The following EHBP1 variants were observed in gnomAD, a reference collection of about 807,000 sequenced individuals.
EHBP1 encodes the protein EH domain binding protein 1, also known as EH domain-binding protein 1.
Under a neutral mutation model 144.0 loss-of-function variants are expected in EHBP1, and 55 were observed. The ratio of observed to expected loss-of-function variants is 0.38; its 90% confidence interval spans 0.31 to 0.48. The LOEUF is 0.48. Among genes scored for constraint, EHBP1 ranks in the 20% least tolerant of loss-of-function variants. The pLI, the probability that EHBP1 is intolerant of heterozygous loss-of-function variation, is 0.98. For synonymous variants in EHBP1, 469 were observed against 472.7 expected, an observed-to-expected ratio of 0.99 and a Z score of 0.10; for missense variants, 1,200 against 1,364.2, an observed-to-expected ratio of 0.88 and a Z score of 1.90.
chr2:62,900,577 C>T (rs1368101841), intron 10 of EHBP1, among the ~76,000 whole-genome samples: 3 of 151,588 alleles, frequency 2.0e-5, no homozygotes, highest in Admixed American at 6.6e-5. Flanking sequence ...GCTGTGATCA[C>T]ACTACTGCAT....
rs577339888 is a variant in EHBP1, at chr2:62,722,137, T to G, written c.104+14842T>G. The stretch of plus-strand genomic sequence containing the variant: ...GTATTTCTTAAAAATAGGAATTTTG[T>G]TTTTTTTTTTGAGACAGAGTCTCAC... On this transcript the variant is annotated intron_variant, in intron 2 of 22. Coordinates refer to ENST00000431489, the MANE Select transcript of EHBP1 (RefSeq NM_001142616.3). 3.7e-3 allele frequency among the ~76,000 whole-genome samples: 541 copies of G among 146,682 alleles called. 4 individuals are homozygous for G. Among genetic ancestry groups the G allele is most frequent in the Admixed American group, 8.9e-3 (131 of 14,684 alleles).
chr2:62,918,259 T>C (rs180950345), intron 10 of EHBP1, among the ~76,000 whole-genome samples: 1 of 152,256 alleles, frequency 6.6e-6, no homozygotes, highest in East Asian at 1.9e-4. Flanking sequence ...TTCTCTCTAC[T>C]ACTCTTTGAT....
intron 19 of EHBP1, among the ~76,000 whole-genome samples, chr2:63,015,200 C>T (rs1329378750): frequency 6.6e-6 from 1 of 152,008 alleles, no homozygotes; most frequent in Non-Finnish European, 1.5e-5. Flanking sequence ...GTACATTGTA[C>T]TTGGTTCACA....
intron 5 of EHBP1, among the ~76,000 whole-genome samples, chr2:62,800,603 G>T (rs2043909228): frequency 6.6e-6 from 1 of 152,172 alleles, no homozygotes; most frequent in Admixed American, 6.5e-5. Flanking sequence ...AAACAAGCTA[G>T]TGATTTATAA....
chr2:62,757,051 T>G (rs1175000781), intron 3 of EHBP1, among the ~76,000 whole-genome samples: 1 of 152,220 alleles, frequency 6.6e-6, no homozygotes, highest in Non-Finnish European at 1.5e-5. Context: ...CTGATGCTTT[T>G]CCTTTAAAAT....
At chr2:62,905,321 T>C (rs2053709688) in intron 10 of EHBP1, among the ~76,000 whole-genome samples, 1 of 152,112 alleles carries the variant, frequency 6.6e-6, no homozygotes, top group South Asian at 2.1e-4. Flanking sequence ...ATGGTTACCA[T>C]ATTAGAGGAA....
intron 19 of EHBP1, among the ~76,000 whole-genome samples, chr2:63,001,133 A>G (rs966902278): frequency 6.6e-6 from 1 of 152,182 alleles, no homozygotes; most frequent in African/African-American, 2.4e-5. Context: ...TTTAATGGTT[A>G]TCAAACTTTT....
At chr2:62,819,353 A>G (rs966754596) in intron 5 of EHBP1, among the ~76,000 whole-genome samples, 1 of 152,246 alleles carries the variant, frequency 6.6e-6, no homozygotes, top group African/African-American at 2.4e-5. Flanking sequence ...GTGTACATGT[A>G]CATATCCTAT....
chr2:63,032,061 C>G (rs958208030), intron 19 of EHBP1, among the ~76,000 whole-genome samples: 2 of 151,658 alleles, frequency 1.3e-5, no homozygotes, highest in Non-Finnish European at 2.9e-5. Context: ...TAGTGTGTTA[C>G]CTTTTGAGAA....
At chr2:62,697,835 G>A (rs1433821236) in intron 1 of EHBP1, among the ~76,000 whole-genome samples, 1 of 152,166 alleles carries the variant, frequency 6.6e-6, no homozygotes, top group Non-Finnish European at 1.5e-5. Flanking sequence ...TATTATTAAG[G>A]GAAATTAATA....
At chr2:62,825,016 G>A (rs1260767058) in intron 5 of EHBP1, among the ~76,000 whole-genome samples, 1 of 151,898 alleles carries the variant, frequency 6.6e-6, no homozygotes, top group Non-Finnish European at 1.5e-5. Context: ...TATGGAGAAG[G>A]TTACTGAGAC....
At chr2:62,830,786 G>A (rs1328796145) in intron 6 of EHBP1, among the ~76,000 whole-genome samples, 2 of 152,208 alleles carry the variant, frequency 1.3e-5, no homozygotes, top group African/African-American at 4.8e-5. Flanking sequence ...TTAGATTTAA[G>A]TCTTTGATCT....
rs1173297049 is a variant in EHBP1, at chr2:62,949,061, C to G, written c.2215C>G (p.Leu739Val). ...ATACTCATATAGTAGAGATCTAGAC[C>G]TTGCTAAGAAAAAACATGCTTCCCT... ...LGYSYSRDLD[L>V]AKKKHASLRQ... Residue 739 changes from leucine (L) to valine (V), a missense_variant, in exon 13 of 23, where the codon CTT becomes GTT. Transcript: ENST00000431489. The G allele has an allele frequency of 6.2e-7, 1 of 1,608,580 alleles. No homozygotes were observed. Among genetic ancestry groups the G allele is most frequent in the South Asian group, 1.1e-5 (1 of 89,282 alleles).
At chr2:62,679,626 T>C (rs1393956053) in intron 1 of EHBP1, among the ~76,000 whole-genome samples, 5 of 152,150 alleles carry the variant, frequency 3.3e-5, no homozygotes, top group African/African-American at 1.2e-4. Flanking sequence ...CTCTTTACTA[T>C]TGGGGAAAAA....
chr2:62,732,610 G>A (rs568039648), intron 2 of EHBP1, among the ~76,000 whole-genome samples: 3 of 152,048 alleles, frequency 2.0e-5, no homozygotes, highest in Non-Finnish European at 4.4e-5. Context: ...CATGTAAAAC[G>A]TGCCAGCTTC....
intron 15 of EHBP1, among the ~76,000 whole-genome samples, chr2:62,982,542 C>T (rs2059016330): frequency 6.6e-6 from 1 of 152,086 alleles, no homozygotes; most frequent in East Asian, 1.9e-4. Context: ...AAATTAGTGT[C>T]CACTCTTCTA....
intron 1 of EHBP1, among the ~76,000 whole-genome samples, chr2:62,680,509 G>A (rs567520789): frequency 6.6e-6 from 1 of 152,182 alleles, no homozygotes; most frequent in Non-Finnish European, 1.5e-5. Flanking sequence ...ATTGAAGGGG[G>A]GAGGGGGGAA....
At position 62,971,584 on chromosome 2, in the gene EHBP1, T is replaced by C. The variant is rs150304771; in HGVS notation, c.2461-7604T>C. ...GTAATAGATAGGGCCAGTGCTTTGATATCAAACAGACACTGATTTTAATTC... is the reference window on the plus strand; with the variant it reads ...GTAATAGATAGGGCCAGTGCTTTGACATCAAACAGACACTGATTTTAATTC... On this transcript the variant is annotated intron_variant, in intron 14 of 22. Coordinates refer to ENST00000431489, the MANE Select transcript of EHBP1 (RefSeq NM_001142616.3). Among the ~76,000 whole-genome samples, 172 of 152,316 alleles carry C rather than the reference T, an allele frequency of 1.1e-3. 3 individuals carry two copies. In the East Asian group the frequency reaches 0.03, roughly 26 times the overall value.
At chr2:62,843,220 A>G (rs1027523418) in intron 7 of EHBP1, among the ~76,000 whole-genome samples, 2 of 152,196 alleles carry the variant, frequency 1.3e-5, no homozygotes, top group African/African-American at 4.8e-5. Context: ...TATCTGAAAC[A>G]TATTAGGAAT....
Sources: gnomAD v4.1 joint callset for allele counts (sites outside exome capture counted in the v4.1 genomes callset) on GRCh38, gnomAD v4.1.1 for gene constraint, MANE v1.5 for transcripts, NCBI Gene and HGNC (gene_info 2026-07-23, HGNC 2026-07-21) for gene names.